The following RAD9B variants were observed in gnomAD, a reference collection of about 807,000 sequenced individuals.
RAD9B encodes the protein cell cycle checkpoint control protein RAD9B.
In RAD9B, 41 loss-of-function variants were observed where a neutral mutation model predicts 48.3. That is an observed-to-expected ratio of 0.85 (90% CI 0.66 to 1.10). The LOEUF is 1.10. RAD9B is among the 50% of genes least tolerant of loss of function. The probability of loss-of-function intolerance (pLI) is 0.00; values close to 1 mark genes in which losing one functional copy is unlikely to be tolerated. For missense variants in RAD9B, 444 were observed against 485.1 expected (o/e 0.92, Z 0.80); for synonymous variants, 160 against 157.9 (o/e 1.01, Z -0.10).
intron 6 of RAD9B, among the ~76,000 whole-genome samples, chr12:110,517,870 G>GT (rs1477851447): frequency 6.6e-6 from 1 of 151,790 alleles, no homozygotes; most frequent in Non-Finnish European, 1.5e-5. Flanking sequence ...TTATGAAATG[G>GT]TATGTAGGGT....
At chr12:110,526,254 C>T (rs923047659) in intron 10 of RAD9B, among the ~76,000 whole-genome samples, 1 of 152,088 alleles carries the variant, frequency 6.6e-6, no homozygotes, top group African/African-American at 2.4e-5. Flanking sequence ...TCTTCCTACC[C>T]AACTCATATT....
Position 110,531,065 on chromosome 12 carries a change from A to G in RAD9B, c.*412A>G. On this transcript the variant is annotated 3_prime_UTR_variant, in exon 11 of 11. Coordinates refer to ENST00000409300, the MANE Select transcript of RAD9B (RefSeq NM_001286535.2). ...TGTAGTCAGGTATCTTTTGTATTTG[A>G]TTGCAAACATTTGGATTTTAGTTTT... 1 of 999,094 alleles carries G rather than the reference A, an allele frequency of 1.0e-6. No individual in the cohort carries two copies. Among genetic ancestry groups the G allele is most frequent in the Non-Finnish European group, 1.2e-6 (1 of 839,208 alleles). 61.9% of individuals were successfully genotyped at this position (999,094 alleles called of 1,614,324 possible). A position where few individuals can be genotyped will look rare whatever the true frequency, so the allele number is the denominator to read the frequency against.
chr12:110,512,375 C>A (rs1185547177), intron 4 of RAD9B, among the ~76,000 whole-genome samples: 13 of 150,014 alleles, frequency 8.7e-5, no homozygotes, highest in Admixed American at 8.6e-4. Flanking sequence ...TTTTGAACTC[C>A]TGGCCTCAAG....
In RAD9B at chr12:110,505,686, C is replaced by T. The variant is rs1053125306; in HGVS notation, c.187C>T (p.Gln63Ter). The part of the protein sequence containing the change: ...GCVLFSPVFF[Q>*]HYQWSALVKM... ...TGTCCTGTTCTCTCCTGTGTTTTTT[C>T]AGCATTATCAATGGTCAGCTTTAGT... The change falls in exon 3 of 11, where the codon CAG becomes TAG. Residue 63 changes from glutamine (Q) to a stop codon, truncating the protein, a stop_gained. Coordinates refer to ENST00000409300, the MANE Select transcript of RAD9B (RefSeq NM_001286535.2). LOFTEE classifies it high-confidence loss of function. 2 of 1,597,844 alleles carry T rather than the reference C, an allele frequency of 1.3e-6. No individual in the cohort carries two copies. Among genetic ancestry groups the T allele is most frequent in the Non-Finnish European group, 1.7e-6 (2 of 1,171,464 alleles).
At chr12:110,528,286 C>A (rs1202446231) in intron 10 of RAD9B, among the ~76,000 whole-genome samples, 1 of 152,108 alleles carries the variant, frequency 6.6e-6, no homozygotes, top group Non-Finnish European at 1.5e-5. Context: ...GGAGCCAAAA[C>A]TAGCAGGACT....
chr12:110,530,310 A>G (rs1409400288), intron 10 of RAD9B, among the ~76,000 whole-genome samples: 1 of 152,018 alleles, frequency 6.6e-6, no homozygotes, highest in Non-Finnish European at 1.5e-5. Flanking sequence ...CTCTCAAAGT[A>G]CTGAGATTAC....
intron 4 of RAD9B, among the ~76,000 whole-genome samples, chr12:110,508,506 C>A (rs1214855547): frequency 6.6e-6 from 1 of 152,134 alleles, no homozygotes; most frequent in Non-Finnish European, 1.5e-5. Context: ...TGATACTATG[C>A]CTTAGGTTAC....
Position 110,531,048 on chromosome 12 carries a change from G to T in RAD9B, c.*395G>T. Reference sequence around the variant, plus strand: ...AATGGAATTTTGTGATTTGTAGTCAGGTATCTTTTGTATTTGATTGCAAAC... The same window carrying T: ...AATGGAATTTTGTGATTTGTAGTCATGTATCTTTTGTATTTGATTGCAAAC... On this transcript the variant is annotated 3_prime_UTR_variant, in exon 11 of 11. Transcript: ENST00000409300. The T allele has an allele frequency of 1.0e-6, 1 of 1,002,620 alleles. No individual in the cohort carries two copies. Among genetic ancestry groups the T allele is most frequent in the South Asian group, 4.4e-5 (1 of 22,580 alleles). 62.1% of individuals were successfully genotyped at this position (1,002,620 alleles called of 1,614,324 possible). A position where few individuals can be genotyped will look rare whatever the true frequency, so the allele number is the denominator to read the frequency against.
intron 10 of RAD9B, among the ~76,000 whole-genome samples, chr12:110,525,563 T>C (rs1593109456): frequency 6.6e-6 from 1 of 152,216 alleles, no homozygotes; most frequent in East Asian, 1.9e-4. Context: ...TCTTTGTACA[T>C]CGTATCTGGA....
intron 10 of RAD9B, among the ~76,000 whole-genome samples, chr12:110,529,603 G>C (rs73191837): frequency 0.022 from 3,290 of 150,432 alleles, 49 homozygotes; most frequent in Middle Eastern, 0.048. Context: ...AAAAAAAAAA[G>C]GCTGCGCATG....
Position 110,512,870 on chromosome 12 carries a change from T to TC in RAD9B, c.481dup (p.Gln161ProfsTer7). 6 of 1,512,464 alleles carry TC rather than the reference T, an allele frequency of 4.0e-6. No individual in the cohort carries two copies. Among genetic ancestry groups the TC allele is most frequent in the Non-Finnish European group, 5.5e-6 (6 of 1,096,138 alleles). 93.7% of individuals were successfully genotyped at this position (1,512,464 alleles called of 1,614,324 possible). A position where few individuals can be genotyped will look rare whatever the true frequency, so the allele number is the denominator to read the frequency against. On this transcript the variant is annotated frameshift_variant, in exon 5 of 11. Transcript: ENST00000409300. LOFTEE classifies it high-confidence loss of function. ...ATGTTTGTACTAATACGCTAATGAT[T>TC]CAACCAAGGTAATGAGTTCTCTGTT...
At chr12:110,526,786 G>A (rs1447848057) in intron 10 of RAD9B, among the ~76,000 whole-genome samples, 1 of 151,932 alleles carries the variant, frequency 6.6e-6, no homozygotes, top group African/African-American at 2.4e-5. Context: ...GCGGGCGCCT[G>A]TAGTCCCAGC....
chr12:110,519,213 A>G (rs1031183342), intron 8 of RAD9B, among the ~76,000 whole-genome samples: 2 of 149,290 alleles, frequency 1.3e-5, no homozygotes, highest in African/African-American at 4.9e-5. Context: ...AAGCAATTCT[A>G]CTGCCTCAGC....
chr12:110,520,027 T>A, intron 9 of RAD9B, 111 bp downstream of exon 9: 1 of 1,206,178 alleles, frequency 8.3e-7, no homozygotes, highest in Non-Finnish European at 1.2e-6. Flanking sequence ...AAATATTAGT[T>A]AACAAATTTT....
intron 10 of RAD9B, among the ~76,000 whole-genome samples, chr12:110,529,582 C>T (rs190509696): frequency 4.7e-4 from 71 of 150,076 alleles, no homozygotes; most frequent in Non-Finnish European, 7.5e-4. Context: ...AAGACCTGGT[C>T]TTTACGGAAA....
At chr12:110,515,210 G>T (rs558367991) in intron 6 of RAD9B, 54 bp downstream of exon 6, 5 of 877,830 alleles carry the variant, frequency 5.7e-6, no homozygotes, top group South Asian at 1.5e-5. Flanking sequence ...CCTGTCTCTC[G>T]ATTACTAACC....
intron 10 of RAD9B, among the ~76,000 whole-genome samples, chr12:110,525,652 T>C (rs2063913866): frequency 6.6e-6 from 1 of 152,178 alleles, no homozygotes. Context: ...GGCTCTCTAC[T>C]ATATAGTTAC....
rs551806885 is a variant in RAD9B, at chr12:110,522,817, G to A, written c.1125+406G>A. ...TTTTCAAATTTGTTTGGTAAATCTT[G>A]TATTCATAATAGTACAAACGTAAAT... On this transcript the variant is annotated intron_variant, in intron 10 of 10. Transcript: ENST00000409300. Among the ~76,000 whole-genome samples, 52 of 152,158 alleles carry A rather than the reference G, an allele frequency of 3.4e-4. 1 individual carries two copies. Among genetic ancestry groups the A allele is most frequent in the African/African-American group, 1.2e-3 (48 of 41,520 alleles).
intron 10 of RAD9B, among the ~76,000 whole-genome samples, chr12:110,525,491 C>T (rs984871963): frequency 1.3e-4 from 20 of 152,094 alleles, no homozygotes; most frequent in African/African-American, 4.8e-4. Context: ...TGTGTTTCCT[C>T]ATGATTCAAT....
Sources: gnomAD v4.1 joint callset for allele counts (sites outside exome capture counted in the v4.1 genomes callset) on GRCh38, gnomAD v4.1.1 for gene constraint, MANE v1.5 for transcripts, NCBI Gene and HGNC (gene_info 2026-07-23, HGNC 2026-07-21) for gene names.